The following SBF2 variants were observed in gnomAD, a reference collection of about 807,000 sequenced individuals.
SBF2 encodes the protein SET binding factor 2.
A neutral mutation model predicts 225.2 loss-of-function variants in SBF2; 112 were observed. That is an observed-to-expected ratio of 0.50 (90% CI 0.43 to 0.58). The LOEUF is 0.58. Among genes scored for constraint, SBF2 ranks in the 20% least tolerant of loss-of-function variants. The probability of loss-of-function intolerance (pLI) is 0.00; values close to 1 mark genes in which losing one functional copy is unlikely to be tolerated. For synonymous variants in SBF2, 763 were observed against 773.3 expected (o/e 0.99, Z 0.22); for missense variants, 1,996 against 2,206.2 (o/e 0.90, Z 1.91).
At chr11:10,079,666 T>C (rs1157578418) in intron 2 of SBF2, among the ~76,000 whole-genome samples, 1 of 152,148 alleles carries the variant, frequency 6.6e-6, no homozygotes, top group Non-Finnish European at 1.5e-5. Context: ...GACACCTGAT[T>C]TGAGGAAATA....
At chr11:9,858,077 A>G in intron 18 of SBF2, 149 bp downstream of exon 18, 1 of 817,400 alleles carries the variant, frequency 1.2e-6, no homozygotes, top group Non-Finnish European at 2.1e-6. Context: ...TCTGAAATCA[A>G]CAGAGGAAAG....
chr11:9,827,125 A>G (rs1855116741), intron 28 of SBF2, among the ~76,000 whole-genome samples: 1 of 152,176 alleles, frequency 6.6e-6, no homozygotes, highest in Non-Finnish European at 1.5e-5. Flanking sequence ...GGCGTGAGCC[A>G]CCGTGCCCGG....
At chr11:10,255,751 CTAA>C (rs1159075018) in intron 1 of SBF2, among the ~76,000 whole-genome samples, 2 of 152,110 alleles carry the variant, frequency 1.3e-5, no homozygotes, top group African/African-American at 4.8e-5. Context: ...GTCAGTGTGA[CTAA>C]TTCAAATTAT....
At chr11:9,839,446 A>G in intron 26 of SBF2, 52 bp downstream of exon 26, 5 of 1,563,750 alleles carry the variant, frequency 3.2e-6, no homozygotes, top group Non-Finnish European at 4.4e-6. Flanking sequence ...TAAAGATTCA[A>G]ATAAGAAGAA....
At chr11:10,079,757 G>C (rs544306063) in intron 2 of SBF2, among the ~76,000 whole-genome samples, 3 of 152,168 alleles carry the variant, frequency 2.0e-5, no homozygotes, top group African/African-American at 7.2e-5. Context: ...AAATTACATT[G>C]CAAGAAAGAA....
At chr11:10,204,813 AG>A (rs1957696535) in intron 1 of SBF2, among the ~76,000 whole-genome samples, 1 of 152,122 alleles carries the variant, frequency 6.6e-6, no homozygotes, top group African/African-American at 2.4e-5. Flanking sequence ...TCAAAGAGAC[AG>A]GAAGTAAATT....
chr11:10,285,342 G>A (rs1441167384), intron 1 of SBF2, among the ~76,000 whole-genome samples: 2 of 151,546 alleles, frequency 1.3e-5, no homozygotes, highest in African/African-American at 4.9e-5. Context: ...AGAGAAGGAA[G>A]AGAGGGGAGA....
At chr11:9,953,434 C>T (rs965510786) in intron 16 of SBF2, among the ~76,000 whole-genome samples, 1 of 147,528 alleles carries the variant, frequency 6.8e-6, no homozygotes, top group African/African-American at 2.5e-5. Flanking sequence ...CAGAGTGAGA[C>T]TCAAAAAAAA....
chr11:9,956,159 T>G (rs1422384145), intron 16 of SBF2, among the ~76,000 whole-genome samples: 1 of 152,186 alleles, frequency 6.6e-6, no homozygotes, highest in African/African-American at 2.4e-5. Flanking sequence ...AAGTTATCCA[T>G]TCTAGTGTTG....
intron 6 of SBF2, among the ~76,000 whole-genome samples, chr11:10,006,871 A>G (rs1250799391): frequency 1.3e-5 from 2 of 152,192 alleles, no homozygotes; most frequent in African/African-American, 2.4e-5. Context: ...TTAGAGAACA[A>G]AGGAAATGGG....
At chr11:10,100,115 C>G (rs1020047293) in intron 2 of SBF2, among the ~76,000 whole-genome samples, 1 of 152,138 alleles carries the variant, frequency 6.6e-6, no homozygotes, top group Non-Finnish European at 1.5e-5. Context: ...CTCATTTTAA[C>G]TTTATAAACA....
chr11:10,240,097 T>C (rs1276387753), intron 1 of SBF2, among the ~76,000 whole-genome samples: 3 of 152,134 alleles, frequency 2.0e-5, no homozygotes, highest in Non-Finnish European at 4.4e-5. Context: ...TTCTGCAATG[T>C]GTCCCAATAA....
intron 1 of SBF2, among the ~76,000 whole-genome samples, chr11:10,285,648 A>G (rs1963710104): frequency 6.6e-6 from 1 of 152,216 alleles, no homozygotes; most frequent in South Asian, 2.1e-4. Flanking sequence ...AACCAATGGG[A>G]ATCCTCTAGA....
In SBF2 at chr11:9,846,937, TG is replaced by T. The variant is rs751526911; in HGVS notation, c.2934+18del. On this transcript the variant is annotated intron_variant, in intron 23 of 39. Transcript: ENST00000256190. ...TGAAAATTTTTGAATAGTAAAACAATGGCTTCCTTTTTTAATACCTGAAAAG... is the reference window on the plus strand; with the variant it reads ...TGAAAATTTTTGAATAGTAAAACAATGCTTCCTTTTTTAATACCTGAAAAG... The T allele has an allele frequency of 6.2e-7, 1 of 1,613,476 alleles. No homozygotes were observed. The highest frequency in any genetic ancestry group is 2.2e-5 in the East Asian group (1 of 44,874).
intron 17 of SBF2, among the ~76,000 whole-genome samples, chr11:9,875,583 G>A (rs1234021960): frequency 6.6e-6 from 1 of 152,194 alleles, no homozygotes; most frequent in African/African-American, 2.4e-5. Context: ...CCAGTTGTGA[G>A]GGAAATGAAG....
intron 17 of SBF2, among the ~76,000 whole-genome samples, chr11:9,862,115 A>G (rs1465266035): frequency 6.6e-6 from 1 of 152,222 alleles, no homozygotes; most frequent in Non-Finnish European, 1.5e-5. Context: ...AAGTGCCTGC[A>G]GATAAAATGA....
At position 10,286,004 on chromosome 11, in the gene SBF2, G is replaced by C. The variant is rs558852234; in HGVS notation, c.55+8011C>G. Among the ~76,000 whole-genome samples, 5 of 152,260 alleles carry C rather than the reference G, an allele frequency of 3.3e-5. No homozygotes were observed. In the East Asian group the frequency reaches 9.7e-4, roughly 29 times the overall value. On this transcript the variant is annotated intron_variant, in intron 1 of 39. Transcript: ENST00000256190. The stretch of plus-strand genomic sequence containing the variant: ...ACAAATGAGGTATGTTAAGAGAGTA[G>C]ATCTTTTTTTTGGAGAAAAAAGCCT...
chr11:10,196,355 T>C (rs888030789), intron 1 of SBF2, among the ~76,000 whole-genome samples: 5 of 152,178 alleles, frequency 3.3e-5, no homozygotes, highest in African/African-American at 7.2e-5. Context: ...GCCATACTAA[T>C]GTATTTTACG....
intron 2 of SBF2, among the ~76,000 whole-genome samples, chr11:10,132,970 A>G (rs933633616): frequency 6.0e-5 from 9 of 149,152 alleles, no homozygotes; most frequent in Non-Finnish European, 1.0e-4. Context: ...CGATTGGTGC[A>G]TTCACAAACC....
Sources: allele counts gnomAD v4.1 joint callset (sites outside exome capture counted in the v4.1 genomes callset), GRCh38; gene constraint gnomAD v4.1.1; transcripts MANE v1.5; gene names NCBI Gene and HGNC (gene_info 2026-07-23, HGNC 2026-07-21).